MUC5B: variants seen among roughly 807,000 people sequenced by gnomAD.
MUC5B encodes the protein mucin-5B.
A neutral mutation model predicts 376.9 loss-of-function variants in MUC5B; 116 were observed. The observed-to-expected ratio is 0.31, with a 90% CI of 0.26 to 0.36. The LOEUF is 0.36. Among genes scored for constraint, MUC5B ranks in the 10% least tolerant of loss-of-function variants. The pLI is 1.00. For missense variants in MUC5B, 7,165 were observed against 7,769.9 expected, an observed-to-expected ratio of 0.92 and a Z score of 2.93; for synonymous variants, 3,517 against 3,390.9, an observed-to-expected ratio of 1.04 and a Z score of -1.29.
At chr11:1,239,668 C>T (rs975880738) in intron 27 of MUC5B, 102 bp downstream of exon 27, 9 of 1,495,148 alleles carry the variant, frequency 6.0e-6, no homozygotes, top group Non-Finnish European at 7.1e-6. Context: ...CTCCCGTAAA[C>T]TGCACAATGC....
Position 1,252,433 on chromosome 11 carries a change from C to A in MUC5B, c.14954C>A (p.Ala4985Asp). 6.2e-7 allele frequency: 1 copy of A among 1,611,214 alleles called. No individual in the cohort carries two copies. The highest frequency in any genetic ancestry group is 8.5e-7 in the Non-Finnish European group (1 of 1,179,076). Reference sequence around the variant, plus strand: ...TGTGACATTGACCGCTTCCAGGGCGCCTGTCCCACCTCCCCACCGCCAGTG... The same window carrying A: ...TGTGACATTGACCGCTTCCAGGGCGACTGTCCCACCTCCCCACCGCCAGTG... ...QHCDIDRFQG[A>D]CPTSPPPVSS... The change falls in exon 32 of 49, where the codon GCC becomes GAC. Residue 4985 changes from alanine (A) to aspartate (D), a missense_variant. By Grantham distance (126) the Ala-to-Asp change is moderately radical. Around this residue, in one of 31 missense-constraint regions of MUC5B, gnomAD observed 730 missense variants for 592.7 expected, o/e 1.23. Transcript: ENST00000529681.
In MUC5B at chr11:1,246,398, T is replaced by G; in HGVS notation, c.9518T>G (p.Val3173Gly). ...ACAGAGCCCAGCACTACAGCCACCG[T>G]GACGGTGCCCACCGGATCCACGGCC... Reference protein sequence around the residue: ...ILTEPSTTATVTVPTGSTATA... With the variant: ...ILTEPSTTATGTVPTGSTATA... The change falls in exon 31 of 49, where the codon GTG becomes GGG. Residue 3173 changes from valine (V) to glycine (G), a missense_variant. By Grantham distance (109) the Val-to-Gly change is moderately radical. This residue lies in a region of MUC5B where 939 missense variants were observed against 770.6 expected (regional missense o/e 1.22). Coordinates refer to ENST00000529681, the MANE Select transcript of MUC5B (RefSeq NM_002458.3). 1 of 1,612,870 alleles carries G rather than the reference T, an allele frequency of 6.2e-7. No individual in the cohort carries two copies. The highest frequency in any genetic ancestry group is 1.3e-5 in the African/African-American group (1 of 74,670).
rs761345019 is a variant in MUC5B, at chr11:1,236,481, C to T, written c.2976C>T (p.Phe992=). The change falls in exon 24 of 49, where the codon TTC becomes TTT. Residue 992 remains phenylalanine (F), a synonymous_variant. Transcript: ENST00000529681. ...PPYKIRYMGI[F]LVIETHGMAV... ...ACAAGATACGCTACATGGGGATCTT[C>T]CTGGTCATCGAGACCCACGGGATGG... 1 of 1,613,168 alleles carries T rather than the reference C, an allele frequency of 6.2e-7. No individual in the cohort carries two copies. The highest frequency in any genetic ancestry group is 1.1e-5 in the South Asian group (1 of 91,080).
chr11:1,248,401 G>T lies in MUC5B; in HGVS notation c.11521G>T (p.Ala3841Ser), dbSNP rs200229205. The change falls in exon 31 of 49, where the codon GCC (alanine) becomes TCC (serine). Residue 3841 changes from alanine (A) to serine (S), a missense_variant. Coordinates refer to ENST00000529681, the MANE Select transcript of MUC5B (RefSeq NM_002458.3). ...AHTSTVLTTT[A>S]TTTRATGSVA... The stretch of plus-strand genomic sequence containing the variant: ...CACCTCCACAGTGCTTACCACCACG[G>T]CCACCACAACCAGGGCCACCGGCTC... 2.1e-5 allele frequency: 34 copies of T among 1,611,048 alleles called. No individual in the cohort carries two copies. In the African/African-American group the frequency reaches 4.5e-4, roughly 21 times the overall value.
rs1564946584 is a variant in MUC5B, at chr11:1,248,512, T to G, written c.11632T>G (p.Ser3878Ala). Residue 3878 changes from serine to alanine, a missense_variant, in exon 31 of 49, where the codon TCC becomes GCC. Around this residue, in one of 31 missense-constraint regions of MUC5B, gnomAD observed 242 missense variants for 199.0 expected, o/e 1.22. Transcript: ENST00000529681. Reference sequence around the variant, plus strand: ...AACCACGGGCTTCACAGTCACCCCCTCCTCCAGCCCAGGGACGGCACGCAC... The same window carrying G: ...AACCACGGGCTTCACAGTCACCCCCGCCTCCAGCCCAGGGACGGCACGCAC... ...TTTTGFTVTP[S>A]SSPGTARTPP... The G allele has an allele frequency of 5.0e-6, 8 of 1,611,308 alleles. No individual in the cohort carries two copies. The highest frequency in any genetic ancestry group is 6.8e-6 in the Non-Finnish European group (8 of 1,179,132).
chr11:1,223,509 AGGGGGTCACAGCT>A, intron 1 of MUC5B: 1 of 335,790 alleles, frequency 3.0e-6, no homozygotes, highest in Non-Finnish European at 5.7e-6. Flanking sequence ...GCAATGGGGG[AGGGGGTCACAGCT>A]GGGGGTCTCT....
At chr11:1,229,016 T>C (rs1321102691) in intron 8 of MUC5B, among the ~76,000 whole-genome samples, 154 bp from the exon 9 acceptor site, 1 of 152,028 alleles carries the variant, frequency 6.6e-6, no homozygotes, top group Non-Finnish European at 1.5e-5. Flanking sequence ...AGGGTGGAGC[T>C]GCCCACGATG....
At position 1,257,335 on chromosome 11, in the gene MUC5B, G is replaced by A; in HGVS notation, c.16269+64G>A. ...TCGCGAGCTGAGGGAGGGAGGGAAG[G>A]AGCATCCCCATCCCACAGGGCAGCT... On this transcript the variant is annotated intron_variant, in intron 40 of 48. Coordinates refer to ENST00000529681, the MANE Select transcript of MUC5B (RefSeq NM_002458.3). The surrounding 1 kb of genome is among the most constrained non-coding windows in gnomAD (Gnocchi z 8.9). The A allele has an allele frequency of 1.2e-6, 1 of 803,232 alleles. No individual in the cohort carries two copies. The highest frequency in any genetic ancestry group is 2.3e-6 in the Non-Finnish European group (1 of 441,510). The allele number at this position is 803,232 out of a possible 1,614,324, so 49.8% of individuals were successfully genotyped here.
chr11:1,254,411 C>T (rs930659048), intron 34 of MUC5B, 60 bp downstream of exon 34: 55 of 1,576,948 alleles, frequency 3.5e-5, no homozygotes, highest in Middle Eastern at 1.7e-4. Context: ...CTGGGCAGGC[C>T]GACTGCAGGC....
Position 1,259,791 on chromosome 11 carries a change from T to G in MUC5B, c.16749T>G (p.Cys5583Trp), listed in dbSNP as rs1590194038. ...FEYKRVAGQC[C>W]GECVQTACLT... ...ACAAGAGAGTGGCCGGGCAGTGCTG[T>G]GGGGAGTGCGTCCAGACCGCCTGCC... Residue 5583 changes from cysteine (C) to tryptophan (W), a missense_variant, in exon 45 of 49, where the codon TGT (cysteine) becomes TGG (tryptophan). Physicochemically the swap from Cys to Trp is radical, Grantham distance 215. This residue lies in a region of MUC5B where 842 missense variants were observed against 1,016.9 expected (regional missense o/e 0.83). Coordinates refer to ENST00000529681, the MANE Select transcript of MUC5B (RefSeq NM_002458.3). 2 of 1,612,382 alleles carry G rather than the reference T, an allele frequency of 1.2e-6. No individual in the cohort carries two copies. The highest frequency in any genetic ancestry group is 8.5e-7 in the Non-Finnish European group (1 of 1,179,678).
In MUC5B at chr11:1,254,087, C is replaced by T. The variant is rs372235907; in HGVS notation, c.15218-5C>T. On this transcript the variant is annotated splice_region_variant and splice_polypyrimidine_tract_variant and intron_variant, in intron 33 of 48. Transcript: ENST00000529681. ...CCTGCCAGCCCGTCCATCTCTGTCCCGCAGGCATCTGCAGCATGTGGGGCG... is the reference window on the plus strand; with the variant it reads ...CCTGCCAGCCCGTCCATCTCTGTCCTGCAGGCATCTGCAGCATGTGGGGCG... 3.5e-5 allele frequency: 57 copies of T among 1,610,512 alleles called. No individual in the cohort carries two copies. Among genetic ancestry groups the T allele is most frequent in the African/African-American group, 1.6e-4 (12 of 75,028 alleles).
In MUC5B at chr11:1,232,737, G is replaced by T; in HGVS notation, c.2032G>T (p.Val678Leu). The T allele has an allele frequency of 6.2e-7, 1 of 1,600,360 alleles. No homozygotes were observed. Among genetic ancestry groups the T allele is most frequent in the Non-Finnish European group, 8.5e-7 (1 of 1,173,300 alleles). Residue 678 changes from valine to leucine, a missense_variant, in exon 17 of 49, where the codon GTA (valine) becomes TTA (leucine). This residue lies in a region of MUC5B where 530 missense variants were observed against 604.0 expected (regional missense o/e 0.88). Transcript: ENST00000529681. ...SYVHACAAKG[V>L]QLSDWRDGVC... is the part of the protein sequence containing the mutation. ...TGTGCACGCCTGTGCCGCCAAGGGCGTACAGCTCAGCGACTGGAGGGACGG... is the reference window on the plus strand; with the variant it reads ...TGTGCACGCCTGTGCCGCCAAGGGCTTACAGCTCAGCGACTGGAGGGACGG...
In MUC5B at chr11:1,252,967, C is replaced by G; in HGVS notation, c.15204C>G (p.His5068Gln). ...ACCCGAGCCAGCCCTGTGACTTCCA[C>G]TATGAGTGCGAGTGTGAGTGCGTCG... ...VSDPSQPCDFHYECECICSMW... is the reference protein window; with the variant it reads ...VSDPSQPCDFQYECECICSMW... The change falls in exon 33 of 49, where the codon CAC becomes CAG. Residue 5068 changes from histidine (H) to glutamine (Q), a missense_variant. Around this residue, in one of 31 missense-constraint regions of MUC5B, gnomAD observed 842 missense variants for 1,016.9 expected, o/e 0.83. Coordinates refer to ENST00000529681, the MANE Select transcript of MUC5B (RefSeq NM_002458.3). The G allele has an allele frequency of 6.2e-7, 1 of 1,612,678 alleles. No individual in the cohort carries two copies.
rs750963003 is a variant in MUC5B, at chr11:1,251,205, G to A, written c.14325G>A (p.Met4775Ile). ...PAQTTTPMST[M>I]STIHTSSTPE... ...AGACCACCACACCCATGTCCACCAT[G>A]TCCACAATCCACACCTCCTCTACTC... is the stretch of plus-strand genomic sequence containing the variant. The change falls in exon 31 of 49, where the codon ATG (methionine) becomes ATA (isoleucine). Residue 4775 changes from methionine to isoleucine, a missense_variant. Met to Ile is a conservative substitution (Grantham distance 10, BLOSUM62 1). Coordinates refer to ENST00000529681, the MANE Select transcript of MUC5B (RefSeq NM_002458.3). 2 of 1,609,106 alleles carry A rather than the reference G, an allele frequency of 1.2e-6. No homozygotes were observed. The highest frequency in any genetic ancestry group is 2.2e-5 in the South Asian group (2 of 90,926).
intron 18 of MUC5B, among the ~76,000 whole-genome samples, 189 bp downstream of exon 18, chr11:1,233,457 A>T (rs1228634889): frequency 6.6e-6 from 1 of 151,758 alleles, no homozygotes. Context: ...CCAGGAGAGG[A>T]GGTGGCCCTG....
At chr11:1,235,447 C>T in intron 23 of MUC5B, 34 bp downstream of exon 23, 1 of 1,574,642 alleles carries the variant, frequency 6.4e-7, no homozygotes, top group Non-Finnish European at 8.7e-7. Context: ...CACCCCCGAC[C>T]CTGCAGCCAA....
chr11:1,246,088 C>G lies in MUC5B; in HGVS notation c.9208C>G (p.Pro3070Ala), dbSNP rs1441063255. Residue 3070 changes from proline to alanine, a missense_variant, in exon 31 of 49, where the codon CCC (proline) becomes GCC (alanine). Pro to Ala is a conservative substitution (Grantham distance 27). This residue lies in a region of MUC5B where 939 missense variants were observed against 770.6 expected (regional missense o/e 1.22). Transcript: ENST00000529681. Reference protein sequence around the residue: ...KSTATSFTPIPSFTLGTTGTL... With the variant: ...KSTATSFTPIASFTLGTTGTL... ...CACAGCTACCAGCTTTACACCCATC[C>G]CCTCCTTCACCCTTGGGACCACCGG... 4.3e-6 allele frequency: 7 copies of G among 1,612,822 alleles called. No homozygotes were observed. The highest frequency in any genetic ancestry group is 2.7e-5 in the African/African-American group (2 of 74,478).
At position 1,253,979 on chromosome 11, in the gene MUC5B, G is replaced by T; in HGVS notation, c.15218-113G>T. The T allele has an allele frequency of 6.9e-7, 1 of 1,439,656 alleles. No individual in the cohort carries two copies. The highest frequency in any genetic ancestry group is 9.3e-7 in the Non-Finnish European group (1 of 1,074,194). 89.2% of individuals were successfully genotyped at this position (1,439,656 alleles called of 1,614,324 possible). ...AGACGAGGCAGCTGAGGCCCCAGGG[G>T]CTTCAGTGGCTCCCCAAGGCGGCAG... On this transcript the variant is annotated intron_variant, in intron 33 of 48. Coordinates refer to ENST00000529681, the MANE Select transcript of MUC5B (RefSeq NM_002458.3). The surrounding 1 kb of genome is among the most constrained non-coding windows in gnomAD (Gnocchi z 4.3).
At position 1,241,617 on chromosome 11, in the gene MUC5B, G is replaced by T; in HGVS notation, c.4737G>T (p.Trp1579Cys). The T allele has an allele frequency of 6.2e-7, 1 of 1,612,292 alleles. No individual in the cohort carries two copies. Among genetic ancestry groups the T allele is most frequent in the East Asian group, 2.2e-5 (1 of 44,840 alleles). The change falls in exon 31 of 49, where the codon TGG (tryptophan) becomes TGT (cysteine). Residue 1579 changes from tryptophan (W) to cysteine (C), a missense_variant. Around this residue, in one of 31 missense-constraint regions of MUC5B, gnomAD observed 25 missense variants for 46.5 expected, o/e 0.54. Transcript: ENST00000529681. ...DVHFGLVCRN[W>C]EQEGVFKMCY... ...ACTTCGGCCTGGTGTGCAGGAACTG[G>T]GAGCAGGAGGGCGTCTTCAAGATGT...
Sources: allele counts gnomAD v4.1 joint callset (sites outside exome capture counted in the v4.1 genomes callset), GRCh38; gene constraint gnomAD v4.1.1; regional missense constraint gnomAD v4.1.1; non-coding constraint Gnocchi (gnomAD v3.1); transcripts MANE v1.5; gene names NCBI Gene and HGNC (gene_info 2026-07-23, HGNC 2026-07-21).